The following MYO3A variants were observed in gnomAD, a reference collection of about 807,000 sequenced individuals.
MYO3A encodes the protein myosin IIIA.
In MYO3A, 180 loss-of-function variants were observed where a neutral mutation model predicts 192.7. The ratio of observed to expected loss-of-function variants is 0.93; its 90% CI spans 0.83 to 1.06. The LOEUF (loss-of-function observed/expected upper bound fraction) is 1.06. Among genes scored for constraint, MYO3A ranks in the 50% least tolerant of loss-of-function variants. MYO3A has a pLI of 0.00. For missense variants in MYO3A, 1,896 were observed against 1,905.0 expected, an observed-to-expected ratio of 1.00 and a Z score of 0.09; for synonymous variants, 628 against 645.3, an observed-to-expected ratio of 0.97 and a Z score of 0.41.
intron 6 of MYO3A, among the ~76,000 whole-genome samples, chr10:26,000,447 G>C (rs1309703548): frequency 6.6e-6 from 1 of 151,836 alleles, no homozygotes; most frequent in African/African-American, 2.4e-5. Flanking sequence ...AATGCAAATT[G>C]CAAAAAAAAT....
chr10:25,991,260 C>T (rs1840010833), intron 4 of MYO3A, among the ~76,000 whole-genome samples: 1 of 152,202 alleles, frequency 6.6e-6, no homozygotes, highest in Admixed American at 6.5e-5. Context: ...TCTCTAATGG[C>T]CAGTGATGAT....
intron 14 of MYO3A, 127 bp downstream of exon 14, chr10:26,070,528 T>C: frequency 2.4e-6 from 2 of 851,018 alleles, no homozygotes; most frequent in Non-Finnish European, 3.7e-6. Context: ...TAAAATACAG[T>C]TGTTATCCTT....
rs1191553236 is a variant in MYO3A at position 26,078,907 on chromosome 10, T to C, written c.1359+8506T>C. ...TATAACTTCAATTTTCTTAAATTTA[T>C]TGAAGCTCGTTTTATAGCCTATCAT... On this transcript the variant is annotated intron_variant, in intron 14 of 34. Coordinates refer to ENST00000642920, the MANE Select transcript of MYO3A (RefSeq NM_017433.5). 2.6e-5 allele frequency among the ~76,000 whole-genome samples: 4 copies of C among 152,310 alleles called. No homozygotes were observed. The East Asian group carries it at 7.7e-4, about 29-fold the overall frequency.
chr10:25,977,213 C>G (rs946220402), intron 4 of MYO3A, among the ~76,000 whole-genome samples: 15 of 152,278 alleles, frequency 9.9e-5, no homozygotes, highest in Admixed American at 9.2e-4. Context: ...TATCAACAGT[C>G]TGCTTAATAA....
chr10:26,099,031 T>C (rs184509309), intron 17 of MYO3A, among the ~76,000 whole-genome samples: 271 of 152,348 alleles, frequency 1.8e-3, no homozygotes, highest in Admixed American at 3.1e-3. Flanking sequence ...ATATTGATTC[T>C]TCCTATCCAT....
At chr10:26,051,206 A>G (rs1257349744) in intron 10 of MYO3A, among the ~76,000 whole-genome samples, 2 of 152,192 alleles carry the variant, frequency 1.3e-5, no homozygotes, top group African/African-American at 4.8e-5. Context: ...ACCCTTAAAC[A>G]TCACGTAATA....
At chr10:26,047,146 C>T (rs57347362) in intron 10 of MYO3A, among the ~76,000 whole-genome samples, 24,762 of 151,946 alleles carry the variant, frequency 0.16, 2,312 homozygotes, top group Non-Finnish European at 0.21. Context: ...TTATTTTGTT[C>T]AAAGAGATTT....
chr10:26,205,481 G>GGT (rs1843876685), intron 34 of MYO3A, among the ~76,000 whole-genome samples: 4 of 138,232 alleles, frequency 2.9e-5, no homozygotes, highest in East Asian at 2.2e-4. Flanking sequence ...TTTTTTTTTG[G>GGT]GGGGGGGCTT....
chr10:25,992,122 A>T (rs9731575), intron 4 of MYO3A, among the ~76,000 whole-genome samples: 2 of 151,978 alleles, frequency 1.3e-5, no homozygotes, highest in African/African-American at 4.8e-5. Context: ...CCATTTTCAC[A>T]ATATTGATTC....
chr10:26,017,043 T>G, intron 7 of MYO3A, 147 bp downstream of exon 7: 1 of 850,798 alleles, frequency 1.2e-6, no homozygotes, highest in Non-Finnish European at 1.9e-6. Context: ...TTTGCATGTG[T>G]GAGGAGGCAC....
chr10:26,197,066 T>A (rs1182658820), intron 32 of MYO3A, among the ~76,000 whole-genome samples: 1 of 152,216 alleles, frequency 6.6e-6, no homozygotes, highest in African/African-American at 2.4e-5. Flanking sequence ...TTGGTTGAGG[T>A]CCCGCTGCGC....
intron 2 of MYO3A, among the ~76,000 whole-genome samples, chr10:25,948,006 G>A (rs1836967372): frequency 1.3e-5 from 2 of 152,172 alleles, no homozygotes; most frequent in African/African-American, 4.8e-5. Flanking sequence ...ACAAGGAGTT[G>A]GGAGGCAAGA....
At chr10:26,176,660 T>G (rs1398717126) in intron 30 of MYO3A, 41 bp from the exon 31 acceptor site, 1 of 1,578,786 alleles carries the variant, frequency 6.3e-7, no homozygotes, top group Non-Finnish European at 8.7e-7. Context: ...CTCTCTGTAT[T>G]CTTTTCCTTG....
In MYO3A at chr10:26,152,940, C is replaced by T. The variant is rs1840884804; in HGVS notation, c.2636-910C>T. Among the ~76,000 whole-genome samples, 3 of 152,270 alleles carry T rather than the reference C, an allele frequency of 2.0e-5. No individual in the cohort carries two copies. The South Asian group carries it at 6.2e-4, about 32-fold the overall frequency. ...ACCATCTTAGGCCAGCCTTTTGCAACCATAAAGAATGGGAAAGGTTTGCCA... is the reference window on the plus strand; with the variant it reads ...ACCATCTTAGGCCAGCCTTTTGCAATCATAAAGAATGGGAAAGGTTTGCCA... On this transcript the variant is annotated intron_variant, in intron 23 of 34. Coordinates refer to ENST00000642920, the MANE Select transcript of MYO3A (RefSeq NM_017433.5).
chr10:26,167,299 TA>T (rs113880655), intron 27 of MYO3A, among the ~76,000 whole-genome samples: 1 of 151,602 alleles, frequency 6.6e-6, no homozygotes, highest in African/African-American at 2.4e-5. Flanking sequence ...TTAAGAGATT[TA>T]AAAAAAAAGC....
At chr10:26,069,218 C>T (rs1473306251) in intron 12 of MYO3A, among the ~76,000 whole-genome samples, 3 of 116,486 alleles carry the variant, frequency 2.6e-5, no homozygotes, top group South Asian at 2.8e-4. Context: ...GTATGTCTGC[C>T]GCTGAACTGA....
At chr10:25,934,628 T>G (rs1835923101) in intron 1 of MYO3A, among the ~76,000 whole-genome samples, 2 of 95,062 alleles carry the variant, frequency 2.1e-5, no homozygotes, top group African/African-American at 4.3e-5. Context: ...AGGAGAGGGA[T>G]GAACTTGAGG....
At chr10:26,137,686 A>G (rs1839930593) in intron 20 of MYO3A, among the ~76,000 whole-genome samples, 1 of 152,240 alleles carries the variant, frequency 6.6e-6, no homozygotes, top group South Asian at 2.1e-4. Context: ...AGTAAGGAAG[A>G]CATCACTAAA....
intron 10 of MYO3A, among the ~76,000 whole-genome samples, chr10:26,029,585 C>G (rs149329870): frequency 1.4e-4 from 21 of 152,202 alleles, no homozygotes; most frequent in African/African-American, 4.8e-4. Flanking sequence ...ACATCAACAT[C>G]TATAGTTTTC....
Sources: gnomAD v4.1 joint callset for allele counts (sites outside exome capture counted in the v4.1 genomes callset) on GRCh38, gnomAD v4.1.1 for gene constraint, MANE v1.5 for transcripts, NCBI Gene and HGNC (gene_info 2026-07-23, HGNC 2026-07-21) for gene names.